ATP7A: variants seen among roughly 807,000 people sequenced by gnomAD.
ATP7A encodes the protein copper-transporting ATPase 1.
Under a neutral mutation model 83.5 loss-of-function variants are expected in ATP7A, and 7 were observed. The ratio of observed to expected loss-of-function variants is 0.08; its 90% CI spans 0.05 to 0.16. The LOEUF is 0.16. Ranked by LOEUF, ATP7A falls within the 10% of genes least tolerant of loss-of-function variation. The pLI, the probability that ATP7A is intolerant of heterozygous loss-of-function variation, is 1.00. For missense variants in ATP7A, 940 were observed against 1,120.8 expected (o/e 0.84, Z 2.30); for synonymous variants, 354 against 395.2 (o/e 0.90, Z 1.24).
intron 1 of ATP7A, among the ~76,000 whole-genome samples, chrX:77,931,588 G>A (rs1275858707): frequency 4.5e-5 from 5 of 111,111 alleles, no homozygotes; most frequent in African/African-American, 1.6e-4. Flanking sequence ...CAGTAGGGGC[G>A]GCCGGGCAGA....
intron 1 of ATP7A, among the ~76,000 whole-genome samples, chrX:77,949,093 G>A (rs1370692389): frequency 9.0e-6 from 1 of 110,831 alleles, no homozygotes; most frequent in Non-Finnish European, 1.9e-5. Context: ...GGTTCACCGT[G>A]TTGCCCAGAC....
chrX:77,997,902 G>C (rs2077714760), intron 4 of ATP7A, among the ~76,000 whole-genome samples: 1 of 110,294 alleles, frequency 9.1e-6, no homozygotes, highest in East Asian at 2.8e-4. Context: ...TAGAAGTATA[G>C]ATAGAGGAAA....
chrX:77,915,766 C>T (rs781788050), intron 1 of ATP7A, among the ~76,000 whole-genome samples: 4 of 111,944 alleles, frequency 3.6e-5, no homozygotes, highest in Non-Finnish European at 5.6e-5. Context: ...GTAGCCCAGG[C>T]TGGAGTTGCA....
At chrX:77,939,821 G>A (rs1557225465) in intron 1 of ATP7A, among the ~76,000 whole-genome samples, 2 of 107,993 alleles carry the variant, frequency 1.9e-5, no homozygotes, top group African/African-American at 6.7e-5. Flanking sequence ...AATGAAAAAA[G>A]CTCTTATTCG....
Position 78,013,126 on chromosome X carries a change from G to T in ATP7A, c.2406+14G>T. The stretch of plus-strand genomic sequence containing the variant: ...CATATAGCAAAGGTAAAGTAAGAAA[G>T]GGTGACATTTGTTAAAATGTTGGGT... On this transcript the variant is annotated intron_variant, in intron 10 of 22. Coordinates refer to ENST00000341514, the MANE Select transcript of ATP7A (RefSeq NM_000052.7). 1.7e-6 allele frequency: 2 copies of T among 1,181,763 alleles called. No homozygotes were observed. Among genetic ancestry groups the T allele is most frequent in the South Asian group, 3.5e-5 (2 of 56,355 alleles).
intron 1 of ATP7A, among the ~76,000 whole-genome samples, chrX:77,944,771 T>A (rs1480576892): frequency 9.0e-6 from 1 of 110,612 alleles, no homozygotes; most frequent in Non-Finnish European, 1.9e-5. Flanking sequence ...GAAAGTGACT[T>A]AGCTTTGTGG....
At chrX:78,045,605 T>G in intron 22 of ATP7A, 33 bp downstream of exon 22, 2 of 1,100,966 alleles carry the variant, frequency 1.8e-6, no homozygotes, top group Non-Finnish European at 2.5e-6. Context: ...ATTTGTATTT[T>G]GTATTCCTGT....
intron 2 of ATP7A, 82 bp downstream of exon 2, chrX:77,971,843 C>T: frequency 9.5e-7 from 1 of 1,053,432 alleles, no homozygotes; most frequent in Non-Finnish European, 1.3e-6. Context: ...GAGATAGAAG[C>T]AGACACACTG....
chrX:77,911,589 G>C (rs1052707372), intron 1 of ATP7A, among the ~76,000 whole-genome samples: 17 of 107,635 alleles, frequency 1.6e-4, no homozygotes, highest in Non-Finnish European at 2.9e-4. Flanking sequence ...GGTGCGGGGG[G>C]GTGGTGGGGA....
chrX:78,036,581 C>T (rs2078014892), intron 17 of ATP7A, among the ~76,000 whole-genome samples: 1 of 111,417 alleles, frequency 9.0e-6, no homozygotes, highest in Non-Finnish European at 1.9e-5. Context: ...CAAAATCTGA[C>T]TTAACATTTT....
At chrX:78,032,460 G>A (rs2077989203) in intron 16 of ATP7A, among the ~76,000 whole-genome samples, 1 of 111,856 alleles carries the variant, frequency 8.9e-6, no homozygotes, top group South Asian at 3.7e-4. Context: ...CAAAAGTTAT[G>A]AGTGCTCATT....
In ATP7A at chrX:77,994,686, T is replaced by G. The variant is rs1359759789; in HGVS notation, c.1337-3792T>G. Among the ~76,000 whole-genome samples the G allele has an allele frequency of 7.2e-5, 8 of 110,678 alleles. No homozygotes were observed. In the Admixed American group the frequency reaches 7.7e-4, roughly 11 times the overall value. On this transcript the variant is annotated intron_variant, in intron 4 of 22. Transcript: ENST00000341514. Reference sequence around the variant, plus strand: ...TCCTGAGTGGCTGGGACTATAGGCGTGTACCACCACACCCGGCTAATTTTT... The same window carrying G: ...TCCTGAGTGGCTGGGACTATAGGCGGGTACCACCACACCCGGCTAATTTTT...
intron 1 of ATP7A, among the ~76,000 whole-genome samples, chrX:77,940,636 C>T (rs1044470385): frequency 9.0e-6 from 1 of 111,039 alleles, no homozygotes; most frequent in African/African-American, 3.3e-5. Flanking sequence ...AAAAGATAAA[C>T]AAGAAACTTA....
At chrX:78,006,912 A>G (rs1424626300) in intron 6 of ATP7A, among the ~76,000 whole-genome samples, 1 of 112,277 alleles carries the variant, frequency 8.9e-6, no homozygotes, top group Non-Finnish European at 1.9e-5. Context: ...TTGATGGACA[A>G]TTGGGTTGTT....
chrX:78,038,924 T>C lies in ATP7A; in HGVS notation c.3600T>C (p.Asn1200=). ...RNGLVINNDV[N]DFMTEHERKG... is the part of the protein sequence containing the mutation. ...GTCTTGTCATTAATAACGATGTAAA[T>C]GATTTCATGACTGAACATGAGAGAA... Residue 1200 remains asparagine (N), a synonymous_variant, in exon 18 of 23, where the codon AAT becomes AAC. Transcript: ENST00000341514. 4 of 1,211,285 alleles carry C rather than the reference T, an allele frequency of 3.3e-6. No homozygotes were observed. Among genetic ancestry groups the C allele is most frequent in the Non-Finnish European group, 4.5e-6 (4 of 894,991 alleles).
chrX:77,934,121 T>A, intron 1 of ATP7A, among the ~76,000 whole-genome samples: 1 of 111,967 alleles, frequency 8.9e-6, no homozygotes, highest in Non-Finnish European at 1.9e-5. Flanking sequence ...CTTTTTAAAA[T>A]GTCTTTTCTA....
chrX:78,013,153 G>A, intron 10 of ATP7A, 41 bp downstream of exon 10: 1 of 1,111,888 alleles, frequency 9.0e-7, no homozygotes, highest in Non-Finnish European at 1.2e-6. Flanking sequence ...ATGTTGGGTG[G>A]ATAAATGACC....
intron 1 of ATP7A, among the ~76,000 whole-genome samples, chrX:77,916,051 T>A (rs954558907): frequency 1.8e-5 from 2 of 111,191 alleles, no homozygotes; most frequent in African/African-American, 3.3e-5. Flanking sequence ...ATACTTAATT[T>A]CTAACTTACA....
chrX:78,019,876 C>T (rs1026225064), intron 12 of ATP7A, among the ~76,000 whole-genome samples: 3 of 111,212 alleles, frequency 2.7e-5, no homozygotes, highest in Admixed American at 9.6e-5. Context: ...GACCCTGGCA[C>T]TGGCACACTA....
Sources: allele counts gnomAD v4.1 joint callset (sites outside exome capture counted in the v4.1 genomes callset), GRCh38; gene constraint gnomAD v4.1.1; transcripts MANE v1.5; gene names NCBI Gene and HGNC (gene_info 2026-07-23, HGNC 2026-07-21).